Variants in PPP1CC observed in about 807,000 individuals in gnomAD.
The protein encoded by PPP1CC is serine/threonine-protein phosphatase PP1-gamma catalytic subunit.
Under a neutral mutation model 38.4 loss-of-function variants are expected in PPP1CC, and 16 were observed. The ratio of observed to expected loss-of-function variants is 0.42; its 90% CI spans 0.28 to 0.63. The LOEUF is 0.63. PPP1CC is among the 30% of genes least tolerant of loss of function. The pLI, the probability that PPP1CC is intolerant of heterozygous loss-of-function variation, is 0.25. For missense variants in PPP1CC, 170 were observed against 391.3 expected (o/e 0.43, Z 4.77); for synonymous variants, 158 against 136.0 (o/e 1.16, Z -1.13).
At position 110,720,211 on chromosome 12, in the gene PPP1CC, A is replaced by G. The variant is rs887651506; in HGVS notation, c.*865T>C. ...GGGTTCAGGCCTGATGCAACTGTAA[A>G]AAGATTACTTAATGAATAGACTATA... On this transcript the variant is annotated 3_prime_UTR_variant, in exon 7 of 7. Coordinates refer to ENST00000335007, the MANE Select transcript of PPP1CC (RefSeq NM_002710.4). The G allele has an allele frequency of 3.9e-6, 6 of 1,544,166 alleles. No individual in the cohort carries two copies. The highest frequency in any genetic ancestry group is 5.2e-6 in the Non-Finnish European group (6 of 1,149,548).
At chr12:110,727,121 A>C (rs145861837) in intron 3 of PPP1CC, among the ~76,000 whole-genome samples, 3,944 of 152,206 alleles carry the variant, frequency 0.026, 176 homozygotes, top group African/African-American at 0.089. Context: ...TTTAATAGAG[A>C]TGGGTTTTCC....
chr12:110,724,981 C>CG (rs1454061774), intron 3 of PPP1CC: 4 of 314,250 alleles, frequency 1.3e-5, no homozygotes, highest in African/African-American at 8.8e-5. Context: ...CCCAGCACTT[C>CG]GGGAGGCTGA....
downstream of PPP1CC, among the ~76,000 whole-genome samples, chr12:110,717,054 G>T (rs1446733274): frequency 6.6e-6 from 1 of 152,208 alleles, no homozygotes; most frequent in Non-Finnish European, 1.5e-5. Flanking sequence ...CAAAGTTCCT[G>T]TGTGTTGCCA....
chr12:110,717,187 T>G (rs1362002711), downstream of PPP1CC, among the ~76,000 whole-genome samples: 1 of 152,210 alleles, frequency 6.6e-6, no homozygotes. Flanking sequence ...TTAAGTATTC[T>G]AGTTATTCCT....
chr12:110,738,979 G>C, intron 1 of PPP1CC, among the ~76,000 whole-genome samples: 1 of 152,184 alleles, frequency 6.6e-6, no homozygotes, highest in African/African-American at 2.4e-5. Flanking sequence ...GAGGGAATTA[G>C]AAACTGACAA....
At chr12:110,714,457 C>A in the PPP1CC span, among the ~76,000 whole-genome samples, 1 of 151,942 alleles carries the variant, frequency 6.6e-6, no homozygotes, top group East Asian at 1.9e-4. Flanking sequence ...TGTGAGTCTA[C>A]GATCTGTCCA....
chr12:110,712,666 AGGG>A, the PPP1CC span, among the ~76,000 whole-genome samples: 1 of 112,224 alleles, frequency 8.9e-6, no homozygotes, highest in African/African-American at 3.3e-5. Flanking sequence ...AAAAAAAAAA[AGGG>A]GGGGCACTGA....
At chr12:110,709,532 A>T in the PPP1CC span, among the ~76,000 whole-genome samples, 1 of 149,458 alleles carries the variant, frequency 6.7e-6, no homozygotes. Flanking sequence ...CCGGCCAAAA[A>T]ACGTCAGACC....
In PPP1CC at chr12:110,720,205, C is replaced by T; in HGVS notation, c.*871G>A. ...ATGGACGGGTTCAGGCCTGATGCAA[C>T]TGTAAAAAGATTACTTAATGAATAG... On this transcript the variant is annotated 3_prime_UTR_variant, in exon 7 of 7. Transcript: ENST00000335007. The T allele has an allele frequency of 1.9e-6, 3 of 1,547,398 alleles. No homozygotes were observed. In the African/African-American group the frequency reaches 4.1e-5, roughly 21 times the overall value.
chr12:110,715,496 A>G (rs889029789), downstream of PPP1CC, among the ~76,000 whole-genome samples: 13 of 150,126 alleles, frequency 8.7e-5, 1 homozygote, highest in African/African-American at 3.2e-4. Context: ...AATTTTTTGT[A>G]TTATTATATT....
At chr12:110,709,931 A>AT in the PPP1CC span, among the ~76,000 whole-genome samples, 1 of 113,620 alleles carries the variant, frequency 8.8e-6, no homozygotes, top group African/African-American at 3.6e-5. Flanking sequence ...AAAAAACTCC[A>AT]AAATAATAAT....
In PPP1CC at chr12:110,719,992, T is replaced by A. The variant is rs2136535604; in HGVS notation, c.*1084A>T. 2 of 670,342 alleles carry A rather than the reference T, an allele frequency of 3.0e-6. No homozygotes were observed. Among genetic ancestry groups the A allele is most frequent in the Non-Finnish European group, 2.5e-6 (1 of 403,378 alleles). The allele number at this position is 670,342 out of a possible 1,614,324, so 41.5% of individuals were successfully genotyped here. ...CATCTGTTGAAACAGATTTCTTTTT[T>A]AACAGATCTTAGTTTAAAAAAGTCA... On this transcript the variant is annotated 3_prime_UTR_variant, in exon 7 of 7. Coordinates refer to ENST00000335007, the MANE Select transcript of PPP1CC (RefSeq NM_002710.4).
chr12:110,735,715 G>A (rs1032202794), intron 1 of PPP1CC, among the ~76,000 whole-genome samples: 3 of 151,448 alleles, frequency 2.0e-5, no homozygotes, highest in Admixed American at 6.6e-5. Flanking sequence ...CTGGGAGGTG[G>A]AAGTTGCAGT....
intron 3 of PPP1CC, chr12:110,725,338 T>C (rs1031545872): frequency 1.3e-5 from 2 of 152,340 alleles, no homozygotes; most frequent in East Asian, 3.8e-4. Context: ...ATGACCTTCC[T>C]TCTGAGGAAA....
chr12:110,711,871 G>C, the PPP1CC span, among the ~76,000 whole-genome samples: 1 of 152,054 alleles, frequency 6.6e-6, no homozygotes, highest in African/African-American at 2.4e-5. Context: ...GTTGCAGTGA[G>C]CCGAGATCGC....
At position 110,722,507 on chromosome 12, in the gene PPP1CC, T is replaced by C; in HGVS notation, c.712A>G (p.Lys238Glu). The stretch of plus-strand genomic sequence containing the variant: ...CTACATATAAGATCCAAATCATGCT[T>C]ATGGAGAAATTTTGCAACCACTTCT... ...GAEVVAKFLH[K>E]HDLDLICRAH... is the part of the protein sequence containing the mutation. Residue 238 changes from lysine to glutamate, a missense_variant, in exon 5 of 7, where the codon AAG becomes GAG. Lys to Glu is a moderately conservative substitution (Grantham distance 56). Transcript: ENST00000335007. The surrounding 1 kb of genome is among the most constrained non-coding windows in gnomAD (Gnocchi z 5.4). The C allele has an allele frequency of 6.2e-7, 1 of 1,614,222 alleles. No homozygotes were observed.
the PPP1CC span, among the ~76,000 whole-genome samples, chr12:110,710,375 G>A: frequency 4.1e-5 from 6 of 146,468 alleles, no homozygotes; most frequent in South Asian, 2.2e-4. Flanking sequence ...AAACCCTGTC[G>A]CTATTAAACA....
rs1350610431 is a variant in PPP1CC at position 110,730,694 on chromosome 12, T to C, written c.253A>G (p.Ser85Gly). 6 of 1,614,154 alleles carry C rather than the reference T, an allele frequency of 3.7e-6. No individual in the cohort carries two copies. The highest frequency in any genetic ancestry group is 4.2e-6 in the Non-Finnish European group (5 of 1,180,022). ...TAGTCCCCAAGAAACAGGTAGTTGC[T>C]TTCTGGTGGGAAACCACCGTACTCA... is the stretch of plus-strand genomic sequence containing the variant. ...LFEYGGFPPE[S>G]NYLFLGDYVD... The change falls in exon 3 of 7, where the codon AGC (serine) becomes GGC (glycine). Residue 85 changes from serine (S) to glycine (G), a missense_variant. By Grantham distance (56) the Ser-to-Gly change is moderately conservative. Transcript: ENST00000335007.
rs2069879185 is a variant in PPP1CC at position 110,732,085 on chromosome 12, G to C, written c.56-184C>G. Reference sequence around the variant, plus strand: ...TTAAAATCTTAGACAAGACTTAATTGCATCTTCGATACCAAGTAAGACTTC... The same window carrying C: ...TTAAAATCTTAGACAAGACTTAATTCCATCTTCGATACCAAGTAAGACTTC... On this transcript the variant is annotated intron_variant, in intron 1 of 6. Coordinates refer to ENST00000335007, the MANE Select transcript of PPP1CC (RefSeq NM_002710.4). 6.3e-6 allele frequency: 4 copies of C among 631,794 alleles called. No homozygotes were observed. The South Asian group carries it at 6.6e-5, about 10-fold the overall frequency. The allele number at this position is 631,794 out of a possible 1,614,324, so 39.1% of individuals were successfully genotyped here.
Sources: gnomAD v4.1 joint callset for allele counts (sites outside exome capture counted in the v4.1 genomes callset) on GRCh38, gnomAD v4.1.1 for gene constraint, Gnocchi (gnomAD v3.1) non-coding constraint, MANE v1.5 for transcripts, NCBI Gene and HGNC (gene_info 2026-07-23, HGNC 2026-07-21) for gene names.